Variants in PTPRF observed in about 807,000 individuals in gnomAD.
PTPRF encodes the protein receptor-type tyrosine-protein phosphatase F.
In PTPRF, 59 loss-of-function variants were observed where a neutral mutation model predicts 201.8. The observed-to-expected ratio is 0.29, with a 90% CI of 0.24 to 0.36. The LOEUF is 0.36. Ranked by LOEUF, PTPRF falls within the 10% of genes least tolerant of loss-of-function variation. The pLI is 1.00. For missense variants in PTPRF, 2,132 were observed against 2,690.5 expected (o/e 0.79, Z 4.59); for synonymous variants, 1,088 against 1,089.7 (o/e 1.00, Z 0.03).
intron 5 of PTPRF, among the ~76,000 whole-genome samples, chr1:43,567,608 C>A (rs576199710): frequency 6.6e-6 from 1 of 152,274 alleles, no homozygotes; most frequent in Non-Finnish European, 1.5e-5. Context: ...TGGGGAGCAT[C>A]CCCTGGGACT....
chr1:43,535,371 A>G (rs1191604167), intron 1 of PTPRF, among the ~76,000 whole-genome samples: 1 of 151,136 alleles, frequency 6.6e-6, no homozygotes, highest in Non-Finnish European at 1.5e-5. Flanking sequence ...ATTTCCTCCC[A>G]CCCTCCCTGG....
chr1:43,568,931 C>G (rs1005981863), intron 5 of PTPRF, among the ~76,000 whole-genome samples: 3 of 152,212 alleles, frequency 2.0e-5, no homozygotes, highest in Admixed American at 2.0e-4. Context: ...GCAGCCCTGA[C>G]CGTGACTCCC....
chr1:43,581,156 G>C (rs1388401813), intron 7 of PTPRF, among the ~76,000 whole-genome samples: 2 of 152,230 alleles, frequency 1.3e-5, no homozygotes, highest in African/African-American at 2.4e-5. Context: ...GGGGCTCCCT[G>C]TTTACACATG....
At position 43,554,394 on chromosome 1, in the gene PTPRF, G is replaced by A. The variant is rs971828649; in HGVS notation, c.379+453G>A. ...GGATTTTAGTGTCTTCTCTCACTTG[G>A]TGGCTTCTCCATTCATTCACAAACA... On this transcript the variant is annotated intron_variant, in intron 5 of 33. Coordinates refer to ENST00000359947, the MANE Select transcript of PTPRF (RefSeq NM_002840.5). This position sits in a 1 kb window ranked among gnomAD's most constrained non-coding sequence, Gnocchi z 4.1. 3.3e-5 allele frequency among the ~76,000 whole-genome samples: 5 copies of A among 152,140 alleles called. No individual in the cohort carries two copies. Among genetic ancestry groups the A allele is most frequent in the Admixed American group, 2.6e-4 (4 of 15,272 alleles).
At chr1:43,568,295 A>G (rs1646326612) in intron 5 of PTPRF, among the ~76,000 whole-genome samples, 2 of 139,016 alleles carry the variant, frequency 1.4e-5, no homozygotes. Context: ...ACTCCATCTC[A>G]AAAAAAAAAA....
chr1:43,613,609 C>G lies in PTPRF; in HGVS notation c.3974-9C>G. ...CTAATGCTGCCTGTGTATGCCCTAC[C>G]TCCCCTAGGTATGCGAGACCACCCA... On this transcript the variant is annotated splice_polypyrimidine_tract_variant and intron_variant, in intron 22 of 33. Transcript: ENST00000359947. 1 of 1,611,718 alleles carries G rather than the reference C, an allele frequency of 6.2e-7. No individual in the cohort carries two copies. The highest frequency in any genetic ancestry group is 1.3e-5 in the African/African-American group (1 of 74,992).
chr1:43,604,807 C>T, intron 16 of PTPRF, 96 bp from the exon 17 acceptor site: 2 of 1,029,320 alleles, frequency 1.9e-6, no homozygotes, highest in Non-Finnish European at 3.0e-6. Context: ...TGTTCCCCAA[C>T]CAGTGTCTCA....
chr1:43,621,051 T>C lies in PTPRF; in HGVS notation c.5520-46T>C, dbSNP rs763663189. ...GGGCCTGAAGGCCTGGCAGACCCACTGCATGAGGCAAGCAGGACTCCTGAC... is the reference window on the plus strand; with the variant it reads ...GGGCCTGAAGGCCTGGCAGACCCACCGCATGAGGCAAGCAGGACTCCTGAC... On this transcript the variant is annotated intron_variant, in intron 32 of 33. Coordinates refer to ENST00000359947, the MANE Select transcript of PTPRF (RefSeq NM_002840.5). 2.5e-6 allele frequency: 4 copies of C among 1,611,136 alleles called. No individual in the cohort carries two copies. The South Asian group carries it at 4.4e-5, about 18-fold the overall frequency.
chr1:43,577,648 G>A (rs535745259), intron 6 of PTPRF, among the ~76,000 whole-genome samples: 2 of 152,136 alleles, frequency 1.3e-5, no homozygotes, highest in Admixed American at 6.5e-5. Context: ...GTCCAGGCAG[G>A]GGGGGCCCGG....
Position 43,610,720 on chromosome 1 carries a change from A to AT in PTPRF, c.3973+1224dup, listed in dbSNP as rs1656234859. 1.3e-5 allele frequency among the ~76,000 whole-genome samples: 2 copies of AT among 152,242 alleles called. 1 individual carries two copies. Among genetic ancestry groups the AT allele is most frequent in the South Asian group, 4.1e-4 (2 of 4,832 alleles). On this transcript the variant is annotated intron_variant, in intron 22 of 33. Coordinates refer to ENST00000359947, the MANE Select transcript of PTPRF (RefSeq NM_002840.5). The stretch of plus-strand genomic sequence containing the variant: ...TCCCATCTCTACTAAAAGTACAAAA[A>AT]TTAGCCAGGTGTGTGGCCCCTGTCA...
At chr1:43,609,926 G>A (rs1656041674) in intron 22 of PTPRF, among the ~76,000 whole-genome samples, 1 of 152,182 alleles carries the variant, frequency 6.6e-6, no homozygotes, top group Admixed American at 6.5e-5. Flanking sequence ...GCCTGCACCT[G>A]AGCCTTCCTG....
intron 3 of PTPRF, among the ~76,000 whole-genome samples, chr1:43,550,815 G>C (rs1185325786): frequency 6.6e-6 from 1 of 152,200 alleles, no homozygotes; most frequent in Non-Finnish European, 1.5e-5. Flanking sequence ...TAGGTTGGGG[G>C]CAGGGGGACT....
At chr1:43,583,935 G>A in intron 7 of PTPRF, among the ~76,000 whole-genome samples, 1 of 152,184 alleles carries the variant, frequency 6.6e-6, no homozygotes, top group East Asian at 1.9e-4. Context: ...TCAGACTCAA[G>A]TTGCTTCTAC....
chr1:43,562,214 T>A (rs1311704059), intron 5 of PTPRF, among the ~76,000 whole-genome samples: 1 of 151,988 alleles, frequency 6.6e-6, no homozygotes, highest in African/African-American at 2.4e-5. Context: ...GTTCAGATGA[T>A]TCTCCTGCCT....
At chr1:43,545,191 G>A in intron 3 of PTPRF, 25 bp downstream of exon 3, 1 of 1,555,352 alleles carries the variant, frequency 6.4e-7, no homozygotes, top group Non-Finnish European at 8.7e-7. Context: ...TCAAGGTACA[G>A]ATCTCCCAGG....
intron 6 of PTPRF, among the ~76,000 whole-genome samples, chr1:43,574,237 C>G (rs932448209): frequency 2.0e-5 from 3 of 151,800 alleles, no homozygotes; most frequent in African/African-American, 7.3e-5. Context: ...CTCGGGTGAT[C>G]CGCCCGCCTC....
chr1:43,604,324 G>T, intron 16 of PTPRF, 135 bp downstream of exon 16: 2 of 902,852 alleles, frequency 2.2e-6, no homozygotes, highest in Non-Finnish European at 3.3e-6. Context: ...TCATGACTGT[G>T]ACCACTAACC....
chr1:43,564,530 C>T (rs1407654840), intron 5 of PTPRF, among the ~76,000 whole-genome samples: 1 of 152,182 alleles, frequency 6.6e-6, no homozygotes, highest in Non-Finnish European at 1.5e-5. Flanking sequence ...AGGTGCTAGT[C>T]ACTGCAGGTG....
intron 6 of PTPRF, among the ~76,000 whole-genome samples, chr1:43,571,839 G>C (rs1646593546): frequency 1.3e-5 from 2 of 152,226 alleles, no homozygotes; most frequent in Admixed American, 6.5e-5. Context: ...TGTCTCATCG[G>C]GTCCTGGCTA....
Sources: allele counts gnomAD v4.1 joint callset (sites outside exome capture counted in the v4.1 genomes callset), GRCh38; gene constraint gnomAD v4.1.1; non-coding constraint Gnocchi (gnomAD v3.1); transcripts MANE v1.5; gene names NCBI Gene and HGNC (gene_info 2026-07-23, HGNC 2026-07-21).